Variants in SPAG16 observed in about 807,000 individuals in gnomAD.
SPAG16 encodes the protein sperm associated antigen 16.
Under a neutral mutation model 80.4 loss-of-function variants are expected in SPAG16, and 86 were observed. That is an observed-to-expected ratio of 1.07 (90% CI 0.90 to 1.28). The LOEUF is 1.28. SPAG16 is among the 50% of genes most tolerant of loss of function. SPAG16 has a pLI of 0.00. For synonymous variants in SPAG16, 294 were observed against 265.9 expected, an observed-to-expected ratio of 1.11 and a Z score of -1.03; for missense variants, 870 against 765.3, an observed-to-expected ratio of 1.14 and a Z score of -1.61.
chr2:214,281,245 A>G (rs1692911077), intron 15 of SPAG16: 1 of 295,680 alleles, frequency 3.4e-6, no homozygotes, highest in Non-Finnish European at 6.7e-6. Flanking sequence ...GCAGACTATC[A>G]TATCCCCTTC....
intron 10 of SPAG16, among the ~76,000 whole-genome samples, chr2:213,701,749 A>G (rs2065433337): frequency 6.6e-6 from 1 of 152,070 alleles, no homozygotes; most frequent in East Asian, 1.9e-4. Flanking sequence ...ATATGCACCA[A>G]TCAGCACTCT....
At chr2:214,204,820 C>T (rs772478583) in intron 15 of SPAG16, among the ~76,000 whole-genome samples, 3 of 151,994 alleles carry the variant, frequency 2.0e-5, no homozygotes, top group Non-Finnish European at 2.9e-5. Context: ...AGTAATGGAT[C>T]GAAACCAAGA....
intron 15 of SPAG16, among the ~76,000 whole-genome samples, chr2:214,355,457 T>C (rs1213609206): frequency 7.0e-6 from 1 of 143,858 alleles, no homozygotes; most frequent in East Asian, 2.0e-4. Flanking sequence ...GAAATGCAAA[T>C]CAAAACCACA....
At chr2:214,209,321 C>T (rs2058228139) in intron 15 of SPAG16, among the ~76,000 whole-genome samples, 1 of 152,164 alleles carries the variant, frequency 6.6e-6, no homozygotes, top group African/African-American at 2.4e-5. Context: ...TGCAGCCTAT[C>T]TGAGAAATGG....
At chr2:213,963,120 A>G (rs1348985790) in intron 12 of SPAG16, among the ~76,000 whole-genome samples, 1 of 148,366 alleles carries the variant, frequency 6.7e-6, no homozygotes, top group East Asian at 2.0e-4. Context: ...ATGTCTAAAG[A>G]TAGAAGCTAT....
intron 10 of SPAG16, among the ~76,000 whole-genome samples, chr2:213,506,782 G>A (rs931483819): frequency 6.6e-5 from 10 of 152,202 alleles, no homozygotes; most frequent in African/African-American, 2.4e-4. Context: ...AAGATCAGAA[G>A]TAGGAATAGC....
At chr2:213,562,133 T>C (rs954121397) in intron 10 of SPAG16, among the ~76,000 whole-genome samples, 3 of 152,216 alleles carry the variant, frequency 2.0e-5, no homozygotes, top group Admixed American at 1.3e-4. Flanking sequence ...TTCAGAATCA[T>C]TTTCTGCAAA....
chr2:213,487,284 G>T (rs902545135), intron 9 of SPAG16, among the ~76,000 whole-genome samples: 3 of 152,006 alleles, frequency 2.0e-5, no homozygotes, highest in Non-Finnish European at 4.4e-5. Context: ...TAAGACCAGT[G>T]AACTATTAAA....
chr2:214,070,700 T>C (rs553393863), intron 13 of SPAG16, among the ~76,000 whole-genome samples: 52 of 152,170 alleles, frequency 3.4e-4, no homozygotes, highest in African/African-American at 1.2e-3. Context: ...TGTAATTAAG[T>C]CTATATTATA....
At chr2:213,971,856 A>G (rs76366232) in intron 12 of SPAG16, among the ~76,000 whole-genome samples, 21,853 of 150,914 alleles carry the variant, frequency 0.14, 1,808 homozygotes, top group African/African-American at 0.24. Context: ...ACATGCTAAC[A>G]TGTGCTATTT....
At chr2:213,902,837 T>G (rs1295126564) in intron 11 of SPAG16, among the ~76,000 whole-genome samples, 1 of 152,194 alleles carries the variant, frequency 6.6e-6, no homozygotes, top group Non-Finnish European at 1.5e-5. Flanking sequence ...AGCTACTTCT[T>G]AGATACAGTG....
chr2:213,678,586 G>T (rs1287680548), intron 10 of SPAG16, among the ~76,000 whole-genome samples: 4 of 152,120 alleles, frequency 2.6e-5, no homozygotes, highest in Non-Finnish European at 5.9e-5. Context: ...CATGTTTTAT[G>T]CCGGAAACTG....
intron 13 of SPAG16, among the ~76,000 whole-genome samples, chr2:214,042,971 G>T (rs905777053): frequency 2.0e-5 from 3 of 152,038 alleles, no homozygotes; most frequent in South Asian, 2.1e-4. Context: ...ATAAAAGAAT[G>T]AATTTTCAAA....
intron 4 of SPAG16, among the ~76,000 whole-genome samples, chr2:213,316,785 A>T (rs145205334): frequency 1.5e-3 from 227 of 152,164 alleles, no homozygotes; most frequent in African/African-American, 5.3e-3. Flanking sequence ...TCACTTTGTC[A>T]GTCATGTTTG....
chr2:213,373,352 A>G (rs2066736232), intron 8 of SPAG16, among the ~76,000 whole-genome samples: 2 of 152,296 alleles, frequency 1.3e-5, no homozygotes, highest in Non-Finnish European at 1.5e-5. Context: ...TTCTCGCTAC[A>G]TTGAGAAATA....
intron 12 of SPAG16, among the ~76,000 whole-genome samples, chr2:214,003,249 T>A (rs991441426): frequency 1.3e-5 from 2 of 152,170 alleles, no homozygotes; most frequent in Non-Finnish European, 2.9e-5. Flanking sequence ...GGGAGATCGG[T>A]TAATATAAAT....
intron 15 of SPAG16, among the ~76,000 whole-genome samples, chr2:214,354,692 T>C (rs931013666): frequency 1.3e-5 from 2 of 151,220 alleles, no homozygotes; most frequent in Non-Finnish European, 3.0e-5. Flanking sequence ...TGGTTTGTAG[T>C]TCTCCTTGAA....
intron 15 of SPAG16, among the ~76,000 whole-genome samples, chr2:214,374,086 G>T (rs1361487539): frequency 6.6e-6 from 1 of 152,188 alleles, no homozygotes; most frequent in East Asian, 1.9e-4. Flanking sequence ...GCTGGCAATG[G>T]GGTTAAGAAG....
chr2:213,768,273 A>G (rs1471878221), intron 10 of SPAG16, among the ~76,000 whole-genome samples: 2 of 152,206 alleles, frequency 1.3e-5, no homozygotes, highest in Non-Finnish European at 2.9e-5. Flanking sequence ...AGGCTTTCTA[A>G]GCTATATTAT....
Sources: allele counts gnomAD v4.1 joint callset (sites outside exome capture counted in the v4.1 genomes callset), GRCh38; gene constraint gnomAD v4.1.1; transcripts MANE v1.5; gene names NCBI Gene and HGNC (gene_info 2026-07-23, HGNC 2026-07-21).